CASD1: variants seen among roughly 807,000 people sequenced by gnomAD.
CASD1 encodes CAS1 domain sialic acid O acetyltransferase 1.
In CASD1, 41 loss-of-function variants were observed where a neutral mutation model predicts 100.0. That is an observed-to-expected ratio of 0.41 (90% CI 0.32 to 0.53). The LOEUF is 0.53. Among genes scored for constraint, CASD1 ranks in the 20% least tolerant of loss-of-function variants. The pLI, the probability that CASD1 is intolerant of heterozygous loss-of-function variation, is 0.25. For missense variants in CASD1, 774 were observed against 948.7 expected (o/e 0.82, Z 2.42); for synonymous variants, 321 against 315.6 (o/e 1.02, Z -0.18).
chr7:94,571,244 TGTA>T, the CASD1 span, among the ~76,000 whole-genome samples: 1 of 151,968 alleles, frequency 6.6e-6, no homozygotes, highest in Non-Finnish European at 1.5e-5. Flanking sequence ...GGTCTCCCTA[TGTA>T]GCCCAGGCTG....
chr7:94,608,237 G>A, the CASD1 span, among the ~76,000 whole-genome samples: 1 of 152,170 alleles, frequency 6.6e-6, no homozygotes, highest in Non-Finnish European at 1.5e-5. Flanking sequence ...AGCTTCTCAG[G>A]AGGCTGAGCC....
At chr7:94,581,595 A>G in the CASD1 span, among the ~76,000 whole-genome samples, 2 of 152,026 alleles carry the variant, frequency 1.3e-5, no homozygotes, top group Non-Finnish European at 2.9e-5. Flanking sequence ...TGTTCTCATT[A>G]TTTAGCTCTC....
At chr7:94,547,650 G>A (rs1795745304) in intron 13 of CASD1, among the ~76,000 whole-genome samples, 1 of 149,542 alleles carries the variant, frequency 6.7e-6, no homozygotes, top group South Asian at 2.1e-4. Flanking sequence ...AAAACTTTTG[G>A]TCATTTTTTT....
At chr7:94,547,563 A>G (rs547430459) in intron 13 of CASD1, among the ~76,000 whole-genome samples, 1 of 152,076 alleles carries the variant, frequency 6.6e-6, no homozygotes, top group Admixed American at 6.6e-5. Flanking sequence ...ATAACTACAT[A>G]GAGTAAAATT....
At chr7:94,592,539 AATT>A in the CASD1 span, among the ~76,000 whole-genome samples, 10 of 152,086 alleles carry the variant, frequency 6.6e-5, no homozygotes, top group African/African-American at 9.7e-5. Flanking sequence ...TATTAGCATT[AATT>A]ATTTTCTCAT....
the CASD1 span, among the ~76,000 whole-genome samples, chr7:94,577,199 T>C: frequency 1.3e-5 from 2 of 152,218 alleles, no homozygotes; most frequent in African/African-American, 4.8e-5. Context: ...CCATGCTTTC[T>C]TGATTCTTTG....
At chr7:94,622,731 T>C in the CASD1 span, 1 of 152,104 alleles carries the variant, frequency 6.6e-6, no homozygotes, top group East Asian at 1.9e-4. Flanking sequence ...TCCTTATCCC[T>C]AACCTTCAAA....
At chr7:94,517,232 A>T (rs1794023805) in intron 1 of CASD1, among the ~76,000 whole-genome samples, 1 of 152,142 alleles carries the variant, frequency 6.6e-6, no homozygotes, top group African/African-American at 2.4e-5. Context: ...CTCAGCTATA[A>T]GTAGGGGAGA....
chr7:94,583,494 G>T, the CASD1 span, among the ~76,000 whole-genome samples: 1 of 152,120 alleles, frequency 6.6e-6, no homozygotes, highest in East Asian at 1.9e-4. Context: ...TTATAGACAT[G>T]GAACCTGTGG....
the CASD1 span, among the ~76,000 whole-genome samples, chr7:94,567,628 A>G: frequency 1.3e-5 from 2 of 152,218 alleles, no homozygotes; most frequent in Non-Finnish European, 2.9e-5. Flanking sequence ...AGCTATGTGG[A>G]GAGAACTGAA....
chr7:94,627,667 A>G, the CASD1 span: 3 of 152,906 alleles, frequency 2.0e-5, no homozygotes, highest in Non-Finnish European at 2.9e-5. Flanking sequence ...ACAACTCTGC[A>G]TCAAACAGCA....
the CASD1 span, chr7:94,627,663 C>T: frequency 6.5e-6 from 1 of 152,874 alleles, no homozygotes; most frequent in Non-Finnish European, 1.5e-5. Flanking sequence ...TCTTACAACT[C>T]TGCATCAAAC....
At chr7:94,607,451 A>G in the CASD1 span, among the ~76,000 whole-genome samples, 1 of 152,220 alleles carries the variant, frequency 6.6e-6, no homozygotes. Flanking sequence ...AAGGAATTAT[A>G]CACAATGATC....
rs769006371 is a variant in CASD1, at chr7:94,537,643, C to T, written c.1015C>T (p.Arg339Trp). 1.5e-5 allele frequency: 25 copies of T among 1,613,546 alleles called. No individual in the cohort carries two copies. The highest frequency in any genetic ancestry group is 4.0e-5 in the African/African-American group (3 of 74,838). ...TTACATAATTCATCGTAATGCTCAT[C>T]GGAAGAATAAGCCGTGTACTGATTT... Reference protein sequence around the residue: ...IFYIIHRNAHRKNKPCTDLES... With the variant: ...IFYIIHRNAHWKNKPCTDLES... The change falls in exon 9 of 18, where the codon CGG (arginine) becomes TGG (tryptophan). Residue 339 changes from arginine to tryptophan, a missense_variant. Arg to Trp is a moderately radical substitution (Grantham distance 101). Around this residue, in one of 5 missense-constraint regions of CASD1, gnomAD observed 453 missense variants for 532.6 expected, o/e 0.85. Coordinates refer to ENST00000297273, the MANE Select transcript of CASD1 (RefSeq NM_022900.5).
intron 10 of CASD1, among the ~76,000 whole-genome samples, chr7:94,542,937 T>G (rs1273909597): frequency 1.3e-5 from 2 of 152,076 alleles, no homozygotes; most frequent in Non-Finnish European, 2.9e-5. Context: ...ATAAAAACTC[T>G]TTGTTTGATA....
downstream of CASD1, among the ~76,000 whole-genome samples, chr7:94,559,308 G>GTGTGTGTGTGTGTGTGTGTGTGTGTA (rs1796300930): frequency 2.4e-5 from 3 of 123,688 alleles, no homozygotes; most frequent in East Asian, 2.9e-4. Flanking sequence ...GTGTGTGTAT[G>GTGTGTGTGTGTGTGTGTGTGTGTGTA]TGTGTGTGTG....
chr7:94,623,766 T>C, the CASD1 span: 1 of 391,126 alleles, frequency 2.6e-6, no homozygotes, highest in Non-Finnish European at 4.5e-6. Context: ...TTTGTACTTT[T>C]AAATGGAGTT....
At chr7:94,623,737 C>CAA in the CASD1 span, 1,559 of 334,230 alleles carry the variant, frequency 4.7e-3, 25 homozygotes, top group African/African-American at 0.032. Context: ...TCTAAGATTT[C>CAA]AAAAAAAAAA....
At chr7:94,609,024 C>T in the CASD1 span, among the ~76,000 whole-genome samples, 1 of 152,050 alleles carries the variant, frequency 6.6e-6, no homozygotes, top group Admixed American at 6.6e-5. Flanking sequence ...TTTTTAGTTA[C>T]AACACCAAAG....
Sources: allele counts gnomAD v4.1 joint callset (sites outside exome capture counted in the v4.1 genomes callset), GRCh38; gene constraint gnomAD v4.1.1; regional missense constraint gnomAD v4.1.1; transcripts MANE v1.5; gene names NCBI Gene and HGNC (gene_info 2026-07-23, HGNC 2026-07-21).